The following PXDNL variants were observed in gnomAD, a reference collection of about 807,000 sequenced individuals.
The protein encoded by PXDNL is probable oxidoreductase PXDNL.
PXDNL carries 145 observed loss-of-function variants against 150.8 expected under a neutral mutation model. That is an observed-to-expected ratio of 0.96 (90% CI 0.84 to 1.10). The LOEUF (loss-of-function observed/expected upper bound fraction) is 1.10, where lower values mean the gene tolerates loss of function less well. Ranked by LOEUF, PXDNL falls within the 50% of genes least tolerant of loss-of-function variation. The pLI is 0.00. For missense variants in PXDNL, 2,087 were observed against 1,873.9 expected (o/e 1.11, Z -2.10); for synonymous variants, 757 against 725.7 (o/e 1.04, Z -0.69).
At chr8:51,381,962 TTA>T (rs1332192033) in intron 17 of PXDNL, among the ~76,000 whole-genome samples, 2 of 151,886 alleles carry the variant, frequency 1.3e-5, no homozygotes, top group Admixed American at 6.6e-5. Flanking sequence ...TTATTATACT[TTA>T]AGTTTTAGGG....
At chr8:51,459,710 G>A (rs972550500) in intron 8 of PXDNL, among the ~76,000 whole-genome samples, 14 of 152,112 alleles carry the variant, frequency 9.2e-5, no homozygotes, top group African/African-American at 3.4e-4. Flanking sequence ...CACATTGTCA[G>A]TTTGATGCAA....
chr8:51,501,708 TCA>T (rs1251200514), intron 4 of PXDNL, among the ~76,000 whole-genome samples: 2 of 151,902 alleles, frequency 1.3e-5, no homozygotes, highest in African/African-American at 4.8e-5. Flanking sequence ...ACTAACACAG[TCA>T]CACACACATA....
intron 1 of PXDNL, among the ~76,000 whole-genome samples, chr8:51,728,640 G>A (rs914873988): frequency 6.6e-6 from 1 of 152,082 alleles, no homozygotes. Context: ...AGGAGATAAA[G>A]AGAGAAAATA....
intron 21 of PXDNL, among the ~76,000 whole-genome samples, chr8:51,338,716 C>T (rs768482186): frequency 3.3e-5 from 5 of 152,168 alleles, no homozygotes; most frequent in Non-Finnish European, 5.9e-5. Context: ...ATATCTACAT[C>T]GCAATTTCTA....
intron 19 of PXDNL, among the ~76,000 whole-genome samples, chr8:51,357,693 A>G (rs1806557287): frequency 6.6e-6 from 1 of 152,220 alleles, no homozygotes; most frequent in East Asian, 1.9e-4. Flanking sequence ...GAGTGGAACA[A>G]ATAGGATGCC....
At chr8:51,330,821 C>A (rs1397738392) in intron 21 of PXDNL, among the ~76,000 whole-genome samples, 1 of 152,186 alleles carries the variant, frequency 6.6e-6, no homozygotes, top group Non-Finnish European at 1.5e-5. Context: ...AGCCTCAAAT[C>A]TCATTAAAAT....
At chr8:51,439,140 C>T (rs1040844729) in intron 12 of PXDNL, among the ~76,000 whole-genome samples, 1 of 152,098 alleles carries the variant, frequency 6.6e-6, no homozygotes, top group African/African-American at 2.4e-5. Context: ...AAACAGACAA[C>T]CCACAGAATA....
intron 1 of PXDNL, among the ~76,000 whole-genome samples, chr8:51,775,157 C>G (rs978401166): frequency 6.6e-6 from 1 of 152,068 alleles, no homozygotes; most frequent in African/African-American, 2.4e-5. Context: ...TACTATCTAT[C>G]CACCCACAAA....
chr8:51,323,096 A>T (rs896392828), intron 21 of PXDNL, among the ~76,000 whole-genome samples: 6 of 152,176 alleles, frequency 3.9e-5, no homozygotes, highest in African/African-American at 1.2e-4. Context: ...ATCACAAAAA[A>T]ATCTCTAAAG....
At chr8:51,605,729 T>C (rs1421604315) in intron 2 of PXDNL, among the ~76,000 whole-genome samples, 11 of 152,234 alleles carry the variant, frequency 7.2e-5, no homozygotes, top group African/African-American at 2.2e-4. Context: ...TTCTCATGAA[T>C]AAATTAATGG....
intron 21 of PXDNL, among the ~76,000 whole-genome samples, chr8:51,338,808 A>AAT (rs1805907056): frequency 6.6e-6 from 1 of 152,264 alleles, no homozygotes; most frequent in Non-Finnish European, 1.5e-5. Context: ...CAACTGGCAA[A>AAT]ATAAGCAAAA....
intron 4 of PXDNL, among the ~76,000 whole-genome samples, chr8:51,533,959 C>G (rs1017099659): frequency 3.4e-5 from 5 of 148,654 alleles, no homozygotes; most frequent in Non-Finnish European, 5.9e-5. Context: ...GTCTGGGATA[C>G]GAGGAGCCTC....
chr8:51,471,633 A>G (rs1295162004), intron 8 of PXDNL, among the ~76,000 whole-genome samples: 1 of 152,122 alleles, frequency 6.6e-6, no homozygotes, highest in African/African-American at 2.4e-5. Context: ...AATAACACAG[A>G]ATTATTTTAG....
At chr8:51,454,957 A>AGT (rs370863538) in intron 9 of PXDNL, among the ~76,000 whole-genome samples, 1 of 142,266 alleles carries the variant, frequency 7.0e-6, no homozygotes, top group African/African-American at 2.9e-5. Context: ...GGTAAGGGAA[A>AGT]AATTAGCCGG....
intron 2 of PXDNL, among the ~76,000 whole-genome samples, chr8:51,653,863 A>T (rs1476345172): frequency 6.6e-6 from 1 of 152,268 alleles, no homozygotes; most frequent in Non-Finnish European, 1.5e-5. Context: ...GAAGATTCTT[A>T]ACTTTCAGTG....
At chr8:51,749,121 T>G (rs1479425224) in intron 1 of PXDNL, among the ~76,000 whole-genome samples, 3 of 152,252 alleles carry the variant, frequency 2.0e-5, no homozygotes, top group Admixed American at 6.5e-5. Context: ...TTACATGCTC[T>G]AAATTATTCA....
At chr8:51,758,634 T>C (rs2037128735) in intron 1 of PXDNL, among the ~76,000 whole-genome samples, 1 of 152,128 alleles carries the variant, frequency 6.6e-6, no homozygotes, top group African/African-American at 2.4e-5. Context: ...ATCTGATGGT[T>C]TTATAAACGT....
chr8:51,648,540 C>T (rs1226049348), intron 2 of PXDNL, among the ~76,000 whole-genome samples: 1 of 152,150 alleles, frequency 6.6e-6, no homozygotes, highest in Non-Finnish European at 1.5e-5. Context: ...CAGTCCTGCC[C>T]ACACCTTCGT....
chr8:51,496,289 A>G (rs1811046678), intron 5 of PXDNL, among the ~76,000 whole-genome samples: 2 of 152,226 alleles, frequency 1.3e-5, no homozygotes, highest in South Asian at 4.1e-4. Flanking sequence ...TCAAAATAAT[A>G]AGAACTATCT....
Sources: gnomAD v4.1 joint callset for allele counts (sites outside exome capture counted in the v4.1 genomes callset) on GRCh38, gnomAD v4.1.1 for gene constraint, MANE v1.5 for transcripts, NCBI Gene and HGNC (gene_info 2026-07-23, HGNC 2026-07-21) for gene names.